The following SCAI variants were observed in gnomAD, a reference collection of about 807,000 sequenced individuals.
SCAI encodes protein SCAI.
In SCAI, 24 loss-of-function variants were observed where a neutral mutation model predicts 92.2. The ratio of observed to expected loss-of-function variants is 0.26; its 90% CI spans 0.19 to 0.37. The LOEUF is 0.37. Among genes scored for constraint, SCAI ranks in the 10% least tolerant of loss-of-function variants. SCAI has a pLI of 1.00. For missense variants in SCAI, 450 were observed against 736.2 expected, an observed-to-expected ratio of 0.61 and a Z score of 4.50; for synonymous variants, 261 against 258.6, an observed-to-expected ratio of 1.01 and a Z score of -0.09.
chr9:124,960,555 G>C, intron 17 of SCAI, among the ~76,000 whole-genome samples: 1 of 152,202 alleles, frequency 6.6e-6, no homozygotes, highest in East Asian at 1.9e-4. Context: ...GCAATGCTTA[G>C]TCACAGAAGG....
intron 2 of SCAI, among the ~76,000 whole-genome samples, chr9:125,140,098 G>A (rs763445967): frequency 1.3e-5 from 2 of 152,140 alleles, no homozygotes; most frequent in Non-Finnish European, 2.9e-5. Flanking sequence ...GTGCACATCT[G>A]TAGTCCCAGG....
Position 125,143,488 on chromosome 9 carries a change from C to A in SCAI, c.-51G>T. Reference sequence around the variant, plus strand: ...TGCTCCGGCGGCCGCAGGGCTCGCTCGGGAAGCTGAGGCGGCGGAGGCTGG... The same window carrying A: ...TGCTCCGGCGGCCGCAGGGCTCGCTAGGGAAGCTGAGGCGGCGGAGGCTGG... On this transcript the variant is annotated 5_prime_UTR_variant, in exon 1 of 18. Coordinates refer to ENST00000336505, the MANE Select transcript of SCAI (RefSeq NM_001144877.3). 1 of 1,311,262 alleles carries A rather than the reference C, an allele frequency of 7.6e-7. No individual in the cohort carries two copies. The highest frequency in any genetic ancestry group is 9.7e-7 in the Non-Finnish European group (1 of 1,029,372). The allele number at this position is 1,311,262 out of a possible 1,614,324, so 81.2% of individuals were successfully genotyped here.
chr9:125,042,634 T>TGTGTGTGTGTGTACAC (rs761672178), intron 3 of SCAI, among the ~76,000 whole-genome samples: 8 of 96,214 alleles, frequency 8.3e-5, no homozygotes, highest in African/African-American at 2.4e-4. Context: ...TGTGTGTGTG[T>TGTGTGTGTGTGTACAC]ACACACACAC....
chr9:124,944,299 C>A lies in SCAI; in HGVS notation c.*8508G>T, dbSNP rs1831106174. On this transcript the variant is annotated 3_prime_UTR_variant, in exon 18 of 18. Transcript: ENST00000336505. ...TCTTCAGGAAATAGTAATAAAAATTCCTTTTTTTTTTTTTTTTGAGAATGA... is the reference window on the plus strand; with the variant it reads ...TCTTCAGGAAATAGTAATAAAAATTACTTTTTTTTTTTTTTTTGAGAATGA... 1 of 150,200 alleles carries A rather than the reference C, an allele frequency of 6.7e-6. No individual in the cohort carries two copies. Among genetic ancestry groups the A allele is most frequent in the African/African-American group, 2.4e-5 (1 of 40,996 alleles). 9.3% of individuals were successfully genotyped at this position (150,200 alleles called of 1,614,324 possible).
intron 2 of SCAI, among the ~76,000 whole-genome samples, chr9:125,108,479 C>T (rs1218783520): frequency 6.6e-6 from 1 of 151,814 alleles, no homozygotes; most frequent in Non-Finnish European, 1.5e-5. Context: ...CGCCTCTGCC[C>T]CGCCGCCCCG....
At chr9:125,060,467 A>G in intron 2 of SCAI, among the ~76,000 whole-genome samples, 1 of 152,160 alleles carries the variant, frequency 6.6e-6, no homozygotes, top group East Asian at 1.9e-4. Flanking sequence ...TATAACCAAA[A>G]AGATCATCAT....
At chr9:125,013,346 A>C (rs1412136820) in intron 9 of SCAI, among the ~76,000 whole-genome samples, 1 of 152,180 alleles carries the variant, frequency 6.6e-6, no homozygotes, top group Non-Finnish European at 1.5e-5. Flanking sequence ...GATAAAGGGG[A>C]TATCACCACC....
At chr9:125,063,768 T>A (rs2131150031) in intron 2 of SCAI, among the ~76,000 whole-genome samples, 1 of 152,034 alleles carries the variant, frequency 6.6e-6, no homozygotes, top group Admixed American at 6.6e-5. Flanking sequence ...TTTTTTTTTT[T>A]TTGAGACAGA....
rs552994768 is a variant in SCAI at position 125,022,961 on chromosome 9, T to C, written c.513-2192A>G. On this transcript the variant is annotated intron_variant, in intron 6 of 17. Transcript: ENST00000336505. ...CCTCTTCTGAAGTTACACATTCTAATTATAGTTTTCTGAAAATATTAACAA... is the reference window on the plus strand; with the variant it reads ...CCTCTTCTGAAGTTACACATTCTAACTATAGTTTTCTGAAAATATTAACAA... Among the ~76,000 whole-genome samples the C allele has an allele frequency of 2.0e-5, 3 of 152,086 alleles. No homozygotes were observed. The South Asian group carries it at 6.3e-4, about 32-fold the overall frequency.
chr9:125,072,537 T>C (rs1236671814), intron 2 of SCAI, among the ~76,000 whole-genome samples: 2 of 152,186 alleles, frequency 1.3e-5, no homozygotes, highest in South Asian at 2.1e-4. Flanking sequence ...TTTATTGTGG[T>C]AAAATATACA....
chr9:125,092,278 T>C (rs1395332502), intron 2 of SCAI, among the ~76,000 whole-genome samples: 1 of 148,872 alleles, frequency 6.7e-6, no homozygotes, highest in African/African-American at 2.5e-5. Context: ...GCCAACATGG[T>C]GAAACACCGT....
intron 5 of SCAI, 51 bp from the exon 6 acceptor site, chr9:125,026,961 C>A: frequency 9.1e-7 from 1 of 1,093,046 alleles, no homozygotes; most frequent in South Asian, 1.4e-5. Flanking sequence ...GACTCTTCAC[C>A]ATGGTAAATA....
chr9:125,053,100 C>T (rs146862411), intron 3 of SCAI, among the ~76,000 whole-genome samples: 42 of 152,126 alleles, frequency 2.8e-4, no homozygotes, highest in African/African-American at 8.4e-4. Context: ...TTTGGGAGGC[C>T]GAAGCAGGTG....
chr9:125,074,183 C>T lies in SCAI; in HGVS notation c.99-18176G>A, dbSNP rs574530896. On this transcript the variant is annotated intron_variant, in intron 2 of 17. Transcript: ENST00000336505. ...CTGAGGCAGGAAAATTGCTTGAACC[C>T]GAGAGGCAGAGGTTGCCGCGAGCCA... Among the ~76,000 whole-genome samples, 9 of 149,556 alleles carry T rather than the reference C, an allele frequency of 6.0e-5. No individual in the cohort carries two copies. The East Asian group carries it at 1.8e-3, about 30-fold the overall frequency.
chr9:125,048,822 C>T (rs1833499181), intron 3 of SCAI, among the ~76,000 whole-genome samples: 1 of 151,878 alleles, frequency 6.6e-6, no homozygotes, highest in Non-Finnish European at 1.5e-5. Flanking sequence ...CTCGGCTCAC[C>T]ACAACATCCG....
intron 14 of SCAI, among the ~76,000 whole-genome samples, chr9:124,984,837 C>T (rs374936982): frequency 1.3e-5 from 2 of 152,230 alleles, no homozygotes; most frequent in South Asian, 2.1e-4. Context: ...CAGCTAAGAA[C>T]ATCAGGAAGT....
chr9:125,100,825 G>C (rs972303562), intron 2 of SCAI, among the ~76,000 whole-genome samples: 5 of 152,184 alleles, frequency 3.3e-5, no homozygotes, highest in Non-Finnish European at 7.3e-5. Flanking sequence ...AATAAACCGT[G>C]AGGGAAATGT....
intron 2 of SCAI, among the ~76,000 whole-genome samples, chr9:125,067,176 A>G (rs559918736): frequency 6.6e-6 from 1 of 152,344 alleles, no homozygotes; most frequent in South Asian, 2.1e-4. Flanking sequence ...ATAGAAGTAG[A>G]GACAAAGGAA....
At chr9:125,077,087 G>A (rs1834105915) in intron 2 of SCAI, among the ~76,000 whole-genome samples, 1 of 152,166 alleles carries the variant, frequency 6.6e-6, no homozygotes. Flanking sequence ...GGGAAGGTGA[G>A]TTGGAAGCGC....
Sources: gnomAD v4.1 joint callset for allele counts (sites outside exome capture counted in the v4.1 genomes callset) on GRCh38, gnomAD v4.1.1 for gene constraint, MANE v1.5 for transcripts, NCBI Gene and HGNC (gene_info 2026-07-23, HGNC 2026-07-21) for gene names.